The following SAFB2 variants were observed in gnomAD, a reference collection of about 807,000 sequenced individuals.
SAFB2 encodes scaffold attachment factor B2.
SAFB2 carries 32 observed loss-of-function variants against 100.6 expected under a neutral mutation model. The ratio of observed to expected loss-of-function variants is 0.32; its 90% CI spans 0.24 to 0.43. The LOEUF (loss-of-function observed/expected upper bound fraction) is 0.43. SAFB2 is among the 20% of genes least tolerant of loss of function. SAFB2 has a pLI of 1.00. For missense variants in SAFB2, 1,185 were observed against 1,163.4 expected (o/e 1.02, Z -0.27); for synonymous variants, 500 against 439.4 (o/e 1.14, Z -1.72).
At chr19:5,588,011 C>G (rs566902319) in intron 18 of SAFB2, 31 bp from the exon 19 acceptor site, 191 of 1,588,272 alleles carry the variant, frequency 1.2e-4, no homozygotes, top group Non-Finnish European at 1.6e-4. Context: ...ATGCAGCCAT[C>G]TAATGAGCCT....
At chr19:5,608,898 A>C (rs559296831) in intron 9 of SAFB2, among the ~76,000 whole-genome samples, 1 of 152,020 alleles carries the variant, frequency 6.6e-6, no homozygotes, top group Non-Finnish European at 1.5e-5. Flanking sequence ...AAATACAAAA[A>C]TTAGCCAGGC....
intron 2 of SAFB2, 124 bp from the exon 3 acceptor site, chr19:5,616,610 C>T (rs939993906): frequency 9.0e-6 from 7 of 777,974 alleles, no homozygotes; most frequent in Non-Finnish European, 1.3e-5. Flanking sequence ...TCTCCCCTCT[C>T]CTGTCACACG....
rs938080519 is a variant in SAFB2, at chr19:5,593,757, C to G, written c.2207+134G>C. The G allele has an allele frequency of 8.0e-6, 8 of 1,003,980 alleles. No individual in the cohort carries two copies. The South Asian group carries it at 1.0e-4, about 13-fold the overall frequency. 62.2% of individuals were successfully genotyped at this position (1,003,980 alleles called of 1,614,324 possible). A position where few individuals can be genotyped will look rare whatever the true frequency, so the allele number is the denominator to read the frequency against. The stretch of plus-strand genomic sequence containing the variant: ...GCGCAGTGAGATCGGCGGGGGGTCC[C>G]CAAGGCGCATGCTCCATATCAAATT... On this transcript the variant is annotated intron_variant, in intron 15 of 20. Coordinates refer to ENST00000252542, the MANE Select transcript of SAFB2 (RefSeq NM_014649.3).
In SAFB2 at chr19:5,611,463, C is replaced by G. The variant is rs2052907193; in HGVS notation, c.802G>C (p.Gly268Arg). ...DLFDSAHPEE[G>R]DLDLASESTA... ...GACTCGCTGGCCAAATCTAAATCAC[C>G]CTCTTCCGGATGGGCGCTGTCAAAT... The change falls in exon 7 of 21, where the codon GGT (glycine) becomes CGT (arginine). Residue 268 changes from glycine to arginine, a missense_variant. Transcript: ENST00000252542. The G allele has an allele frequency of 1.0e-5, 4 of 392,142 alleles. No homozygotes were observed. In the East Asian group the frequency reaches 1.6e-4, roughly 16 times the overall value. 24.3% of individuals were successfully genotyped at this position (392,142 alleles called of 1,614,324 possible).
In SAFB2 at chr19:5,617,067, A is replaced by T. The variant is rs117566427; in HGVS notation, c.275-581T>A. On this transcript the variant is annotated intron_variant, in intron 2 of 20. Transcript: ENST00000252542. ...AAAAGTTTCCAAATATTTCAAAAAC[A>T]CTCCAAACCTAAGAAAAAAAATCAC... Among the ~76,000 whole-genome samples the T allele has an allele frequency of 8.4e-3, 1,277 of 152,150 alleles. 13 individuals carry two copies. Among genetic ancestry groups the T allele is most frequent in the South Asian group, 0.013 (62 of 4,822 alleles).
intron 11 of SAFB2, among the ~76,000 whole-genome samples, chr19:5,602,644 C>G (rs1330350929): frequency 6.6e-6 from 1 of 152,068 alleles, no homozygotes; most frequent in Non-Finnish European, 1.5e-5. Flanking sequence ...CTACATAGAG[C>G]AAGTGCCTCA....
chr19:5,590,551 C>G, intron 17 of SAFB2, 143 bp from the exon 18 acceptor site: 2 of 914,134 alleles, frequency 2.2e-6, no homozygotes, highest in Non-Finnish European at 3.1e-6. Flanking sequence ...CTCAGCCCTG[C>G]TGGGCCCTGC....
Position 5,587,426 on chromosome 19 carries a change from T to C in SAFB2, c.2706-27A>G, listed in dbSNP as rs1006995287. 1.9e-6 allele frequency: 3 copies of C among 1,592,346 alleles called. No individual in the cohort carries two copies. The highest frequency in any genetic ancestry group is 1.3e-5 in the African/African-American group (1 of 74,622). Reference sequence around the variant, plus strand: ...TAGGAACAAAGTCAGACAATTTTTTTCCCCTTGAAGTGCTCAGCGTTTTCA... The same window carrying C: ...TAGGAACAAAGTCAGACAATTTTTTCCCCCTTGAAGTGCTCAGCGTTTTCA... On this transcript the variant is annotated intron_variant, in intron 20 of 20. Transcript: ENST00000252542. This position sits in a 1 kb window ranked among gnomAD's most constrained non-coding sequence, Gnocchi z 4.9.
At chr19:5,601,103 C>T (rs952304797) in intron 11 of SAFB2, among the ~76,000 whole-genome samples, 4 of 152,124 alleles carry the variant, frequency 2.6e-5, no homozygotes, top group South Asian at 2.1e-4. Flanking sequence ...CTGATTGCCC[C>T]GTCTCCTCTG....
Position 5,610,183 on chromosome 19 carries a change from C to T in SAFB2, c.1196-88G>A. 5.0e-6 allele frequency: 5 copies of T among 1,006,784 alleles called. No homozygotes were observed. In the South Asian group the frequency reaches 6.7e-5, roughly 14 times the overall value. The allele number at this position is 1,006,784 out of a possible 1,614,324, so 62.4% of individuals were successfully genotyped here. A position where few individuals can be genotyped will look rare whatever the true frequency, so the allele number is the denominator to read the frequency against. On this transcript the variant is annotated intron_variant, in intron 8 of 20. Transcript: ENST00000252542. ...TAAGACCGCAGCCCTCTTTAAAAAC[C>T]CTAACGACGCCCAATCCCAACTGCT...
chr19:5,613,490 G>A lies in SAFB2; in HGVS notation c.581C>T (p.Ser194Leu). Residue 194 changes from serine (S) to leucine (L), a missense_variant, in exon 5 of 21, where the codon TCA becomes TTA. Physicochemically the swap from Ser to Leu is moderately radical, Grantham distance 145 (BLOSUM62 -2). Coordinates refer to ENST00000252542, the MANE Select transcript of SAFB2 (RefSeq NM_014649.3). ...CGGAGTTACTTTGAAGTTCAACGATGAAGTTTCCAAAGTGTTCTTAAATCC... is the reference window on the plus strand; with the variant it reads ...CGGAGTTACTTTGAAGTTCAACGATAAAGTTTCCAAAGTGTTCTTAAATCC... ...GEGFKNTLET[S>L]SLNFKVTPDI... 3 of 1,613,932 alleles carry A rather than the reference G, an allele frequency of 1.9e-6. No individual in the cohort carries two copies. The highest frequency in any genetic ancestry group is 2.5e-6 in the Non-Finnish European group (3 of 1,179,888).
intron 11 of SAFB2, among the ~76,000 whole-genome samples, chr19:5,604,196 A>G (rs1177968563): frequency 6.6e-6 from 1 of 152,186 alleles, no homozygotes; most frequent in East Asian, 1.9e-4. Context: ...AAATCATGTG[A>G]ACTCAGGAGT....
intron 18 of SAFB2, among the ~76,000 whole-genome samples, chr19:5,589,568 C>G (rs1055782915): frequency 3.4e-4 from 51 of 152,098 alleles, no homozygotes; most frequent in Non-Finnish European, 6.0e-4. Flanking sequence ...AGCCGCAAAG[C>G]AGTCCTGCCA....
chr19:5,597,578 C>T (rs1021781334), intron 13 of SAFB2, among the ~76,000 whole-genome samples: 2 of 152,080 alleles, frequency 1.3e-5, no homozygotes, highest in Admixed American at 6.5e-5. Context: ...GCACAGGGGA[C>T]GTGTGTGCAG....
intron 18 of SAFB2, 72 bp downstream of exon 18, chr19:5,590,206 G>A: frequency 3.0e-6 from 4 of 1,336,104 alleles, no homozygotes; most frequent in Non-Finnish European, 4.0e-6. Flanking sequence ...TTGGGGACGT[G>A]CCTGGCCAGG....
Position 5,587,853 on chromosome 19 carries a change from G to A in SAFB2, c.2638+15C>T, listed in dbSNP as rs1404536005. The A allele has an allele frequency of 6.2e-7, 1 of 1,603,284 alleles. No homozygotes were observed. The highest frequency in any genetic ancestry group is 8.5e-7 in the Non-Finnish European group (1 of 1,174,694). On this transcript the variant is annotated intron_variant, in intron 19 of 20. Coordinates refer to ENST00000252542, the MANE Select transcript of SAFB2 (RefSeq NM_014649.3). The surrounding 1 kb of genome is among the most constrained non-coding windows in gnomAD (Gnocchi z 4.9). ...GGGGCCACAGCCACCCTCGTCCCTGGAGCCAGCCCCGTACCTTGCCACCTG... is the reference window on the plus strand; with the variant it reads ...GGGGCCACAGCCACCCTCGTCCCTGAAGCCAGCCCCGTACCTTGCCACCTG...
In SAFB2 at chr19:5,593,941, C is replaced by A; in HGVS notation, c.2157G>T (p.Leu719=). The A allele has an allele frequency of 6.4e-7, 1 of 1,556,440 alleles. No individual in the cohort carries two copies. The highest frequency in any genetic ancestry group is 8.6e-7 in the Non-Finnish European group (1 of 1,160,410). Residue 719 remains leucine (L), a synonymous_variant, in exon 15 of 21, where the codon CTG becomes CTT. Transcript: ENST00000252542. ...REELRRQQEQ[L]RYEQERRPGR... ...CGGGCCGCCGCTCCTGCTCGTAACG[C>A]AGCTGCTCCTGCTGGCGCCGCAGCT...
intron 18 of SAFB2, among the ~76,000 whole-genome samples, chr19:5,588,248 CAAT>C (rs999887755): frequency 5.9e-5 from 9 of 151,902 alleles, no homozygotes; most frequent in Non-Finnish European, 2.9e-5. Context: ...TAGAATCACA[CAAT>C]AACACACACC....
Position 5,609,659 on chromosome 19 carries a change from C to A in SAFB2, c.1296+336G>T, listed in dbSNP as rs530199949. 7.9e-5 allele frequency among the ~76,000 whole-genome samples: 12 copies of A among 152,266 alleles called. No individual in the cohort carries two copies. The East Asian group carries it at 2.3e-3, about 29-fold the overall frequency. ...TCTTTGAGACCAGTTAGAAAGAACC[C>A]CAAGAACATTGAGAGAGAAGCTGTT... On this transcript the variant is annotated intron_variant, in intron 9 of 20. Coordinates refer to ENST00000252542, the MANE Select transcript of SAFB2 (RefSeq NM_014649.3).
Sources: allele counts gnomAD v4.1 joint callset (sites outside exome capture counted in the v4.1 genomes callset), GRCh38; gene constraint gnomAD v4.1.1; non-coding constraint Gnocchi (gnomAD v3.1); transcripts MANE v1.5; gene names NCBI Gene and HGNC (gene_info 2026-07-23, HGNC 2026-07-21).